Variants in RNLS observed in about 807,000 individuals in gnomAD.
RNLS encodes renalase.
In RNLS, 39 loss-of-function variants were observed where a neutral mutation model predicts 39.8. The ratio of observed to expected loss-of-function variants is 0.98; its 90% CI spans 0.76 to 1.28. The LOEUF is 1.28. RNLS is among the 50% of genes most tolerant of loss of function. The probability of loss-of-function intolerance (pLI) is 0.00; values close to 1 mark genes in which losing one functional copy is unlikely to be tolerated. For missense variants in RNLS, 410 were observed against 413.3 expected (o/e 0.99, Z 0.07); for synonymous variants, 147 against 150.7 (o/e 0.98, Z 0.18).
chr10:88,186,749 A>T, the RNLS span, among the ~76,000 whole-genome samples: 238 of 152,152 alleles, frequency 1.6e-3, 6 homozygotes, highest in East Asian at 0.039. Context: ...AAAAAAAAAA[A>T]TTTTGAGCAA....
At chr10:88,548,667 T>C in intron 4 of RNLS, among the ~76,000 whole-genome samples, 1 of 146,442 alleles carries the variant, frequency 6.8e-6, no homozygotes. Flanking sequence ...TATATAATAT[T>C]TAATACATAT....
intron 4 of RNLS, among the ~76,000 whole-genome samples, chr10:88,438,630 C>T (rs1487822548): frequency 6.6e-6 from 1 of 152,190 alleles, no homozygotes; most frequent in African/African-American, 2.4e-5. Context: ...TCGAGAACCA[C>T]AGAATGGGTG....
intron 4 of RNLS, among the ~76,000 whole-genome samples, chr10:88,571,095 G>A (rs113335351): frequency 5.3e-5 from 8 of 150,434 alleles, no homozygotes; most frequent in South Asian, 2.1e-4. Flanking sequence ...GCAATTCCCC[G>A]CCTCAGCCTT....
At chr10:88,538,220 A>G (rs1450959197) in intron 4 of RNLS, among the ~76,000 whole-genome samples, 5 of 152,196 alleles carry the variant, frequency 3.3e-5, no homozygotes, top group South Asian at 2.1e-4. Context: ...CCACAAATAC[A>G]TGAAAGTGTC....
At chr10:88,506,187 A>G (rs891024389) in intron 4 of RNLS, among the ~76,000 whole-genome samples, 8 of 152,154 alleles carry the variant, frequency 5.3e-5, no homozygotes, top group Non-Finnish European at 1.2e-4. Context: ...AAGTTCACAA[A>G]GAACAAAAAA....
intron 5 of RNLS, among the ~76,000 whole-genome samples, chr10:88,319,696 C>A (rs952093950): frequency 1.3e-5 from 2 of 151,902 alleles, no homozygotes; most frequent in African/African-American, 4.8e-5. Context: ...AATTTCAGAG[C>A]TTGAAATGTG....
chr10:88,299,730 T>C (rs1844372575), intron 6 of RNLS, among the ~76,000 whole-genome samples: 1 of 152,234 alleles, frequency 6.6e-6, no homozygotes, highest in Admixed American at 6.5e-5. Context: ...CTATGATCCA[T>C]TTTTAGTTAA....
intron 4 of RNLS, among the ~76,000 whole-genome samples, chr10:88,382,316 T>G (rs972820966): frequency 7.2e-5 from 11 of 152,108 alleles, no homozygotes; most frequent in Admixed American, 7.2e-4. Context: ...GCATGACACT[T>G]TGGCTATGCT....
At chr10:88,352,631 T>A (rs1018890395) in intron 5 of RNLS, among the ~76,000 whole-genome samples, 1 of 152,240 alleles carries the variant, frequency 6.6e-6, no homozygotes, top group Non-Finnish European at 1.5e-5. Flanking sequence ...TTTGCATCGA[T>A]GTTCATCAGG....
At chr10:88,475,637 C>A (rs1347525440) in intron 4 of RNLS, among the ~76,000 whole-genome samples, 3 of 152,224 alleles carry the variant, frequency 2.0e-5, no homozygotes, top group Admixed American at 2.0e-4. Context: ...TATTTTCCTT[C>A]CTAAAAACTG....
At chr10:88,181,494 T>C in the RNLS span, among the ~76,000 whole-genome samples, 1 of 152,158 alleles carries the variant, frequency 6.6e-6, no homozygotes, top group South Asian at 2.1e-4. Flanking sequence ...GGTAATGTGT[T>C]ATATGGCAAT....
intron 4 of RNLS, among the ~76,000 whole-genome samples, chr10:88,542,828 A>G (rs1848117776): frequency 6.6e-6 from 1 of 152,166 alleles, no homozygotes; most frequent in Admixed American, 6.6e-5. Flanking sequence ...GTTTTACAAG[A>G]AATAAGATAA....
chr10:88,282,608 G>T (rs373561108), downstream of RNLS, among the ~76,000 whole-genome samples: 5 of 152,000 alleles, frequency 3.3e-5, no homozygotes, highest in South Asian at 1.0e-3. Flanking sequence ...TAGGCGGGGG[G>T]TGGGGACCAT....
At chr10:88,569,533 C>T (rs1002651007) in intron 4 of RNLS, among the ~76,000 whole-genome samples, 4 of 152,016 alleles carry the variant, frequency 2.6e-5, no homozygotes, top group Admixed American at 6.6e-5. Flanking sequence ...GAAATTCATA[C>T]AGAGCAACAT....
rs116926784 is a variant in RNLS, at chr10:88,356,349, G to A, written c.700+6203C>T. Among the ~76,000 whole-genome samples, 1,248 of 152,232 alleles carry A rather than the reference G, an allele frequency of 8.2e-3. 17 individuals carry two copies. Among genetic ancestry groups the A allele is most frequent in the South Asian group, 0.03 (143 of 4,830 alleles). ...AGACTGGAGCTGTTCCTATTCAGCC[G>A]TCTTGGAACTGCCCCCCGATTCAAT... is the stretch of plus-strand genomic sequence containing the variant. On this transcript the variant is annotated intron_variant, in intron 5 of 6. Transcript: ENST00000331772.
At chr10:88,238,032 G>T in the RNLS span, among the ~76,000 whole-genome samples, 1 of 152,148 alleles carries the variant, frequency 6.6e-6, no homozygotes, top group African/African-American at 2.4e-5. Context: ...CATGTCTAAA[G>T]GCAAACTAGG....
the RNLS span, among the ~76,000 whole-genome samples, chr10:88,187,144 A>ATATATATATATAT: frequency 3.3e-4 from 40 of 120,114 alleles, no homozygotes; most frequent in African/African-American, 1.1e-3. Flanking sequence ...GCTGCTCAAA[A>ATATATATATATAT]AATATATATA....
At chr10:88,418,127 A>G (rs1319274274) in intron 4 of RNLS, among the ~76,000 whole-genome samples, 2 of 151,570 alleles carry the variant, frequency 1.3e-5, no homozygotes, top group East Asian at 3.9e-4. Flanking sequence ...GTAGGAAGAA[A>G]CAGCCACATT....
the RNLS span, among the ~76,000 whole-genome samples, chr10:88,251,160 C>T: frequency 5.3e-5 from 8 of 152,128 alleles, no homozygotes; most frequent in East Asian, 1.9e-4. Flanking sequence ...ATAAAGATGA[C>T]GGGCAGAATG....
Sources: allele counts gnomAD v4.1 joint callset (sites outside exome capture counted in the v4.1 genomes callset), GRCh38; gene constraint gnomAD v4.1.1; transcripts MANE v1.5; gene names NCBI Gene and HGNC (gene_info 2026-07-23, HGNC 2026-07-21).